UCK2: variants seen among roughly 807,000 people sequenced by gnomAD.
UCK2 encodes uridine-cytidine kinase 2.
A neutral mutation model predicts 30.8 loss-of-function variants in UCK2; 6 were observed. That is an observed-to-expected ratio of 0.19 (90% CI 0.11 to 0.38). The LOEUF is 0.38. UCK2 is among the 10% of genes least tolerant of loss of function. UCK2 has a pLI of 1.00. For missense variants in UCK2, 210 were observed against 339.8 expected (o/e 0.62, Z 3.00); for synonymous variants, 125 against 133.6 (o/e 0.94, Z 0.45).
chr1:165,861,442 A>T (rs1654894669), intron 1 of UCK2, among the ~76,000 whole-genome samples: 1 of 151,482 alleles, frequency 6.6e-6, no homozygotes, highest in Non-Finnish European at 1.5e-5. Flanking sequence ...TCCCGGCTAA[A>T]ACGGTGAAAC....
intron 2 of UCK2, chr1:165,890,806 C>T (rs1395525052): frequency 3.8e-6 from 1 of 262,658 alleles, no homozygotes; most frequent in Non-Finnish European, 7.4e-6. Flanking sequence ...CCTAGATCAG[C>T]ACACTGCTCC....
At chr1:165,905,492 AAGAG>A (rs561123617) in intron 5 of UCK2, among the ~76,000 whole-genome samples, 1 of 151,802 alleles carries the variant, frequency 6.6e-6, no homozygotes, top group Non-Finnish European at 1.5e-5. Context: ...TTAAAAAAAA[AAGAG>A]AGAGTGAGAG....
intron 4 of UCK2, among the ~76,000 whole-genome samples, chr1:165,901,258 C>T (rs1298020463): frequency 6.6e-6 from 1 of 152,194 alleles, no homozygotes; most frequent in East Asian, 1.9e-4. Context: ...ATTACCAGGT[C>T]TCCCATGGAG....
chr1:165,850,927 ATTTTTTTTT>A lies in UCK2; in HGVS notation c.99+23014_99+23022del, dbSNP rs61491030. Among the ~76,000 whole-genome samples, 239 of 109,932 alleles carry A rather than the reference ATTTTTTTTT, an allele frequency of 2.2e-3. 2 individuals carry two copies. Among genetic ancestry groups the A allele is most frequent in the Middle Eastern group, 0.011 (2 of 184 alleles). 72.1% of individuals were successfully genotyped at this position (109,932 alleles called of 152,430 possible). A position where few individuals can be genotyped will look rare whatever the true frequency, so the allele number is the denominator to read the frequency against. ...GTGAGCCACCACGCCTGGCCTTTAA[ATTTTTTTTT>A]TTTTTTTTTTTTTTTTTTAATAGAG... On this transcript the variant is annotated intron_variant, in intron 1 of 6. Transcript: ENST00000367879.
intron 1 of UCK2, among the ~76,000 whole-genome samples, chr1:165,868,992 G>T (rs1346761681): frequency 1.3e-5 from 2 of 152,154 alleles, no homozygotes; most frequent in Non-Finnish European, 2.9e-5. Context: ...CCATTGTAGG[G>T]TATTAATTGG....
rs183749665 is a variant in UCK2, at chr1:165,841,862, T to C, written c.99+13930T>C. ...ACCTCTAGATTCCAGGATCCTGCAG[T>C]GTCAGTTATCCCTCTTGTGTCCCCA... On this transcript the variant is annotated intron_variant, in intron 1 of 6. Transcript: ENST00000367879. 1.0e-3 allele frequency among the ~76,000 whole-genome samples: 158 copies of C among 152,320 alleles called. 4 individuals carry two copies. The highest frequency in any genetic ancestry group is 9.0e-3 in the Admixed American group (138 of 15,300).
At chr1:165,856,353 A>C (rs1299793620) in intron 1 of UCK2, among the ~76,000 whole-genome samples, 1 of 151,982 alleles carries the variant, frequency 6.6e-6, no homozygotes, top group Non-Finnish European at 1.5e-5. Context: ...TTTATTCAGC[A>C]AACATTACGT....
At chr1:165,891,143 T>C in intron 2 of UCK2, 83 bp from the exon 3 acceptor site, 1 of 1,239,244 alleles carries the variant, frequency 8.1e-7, no homozygotes, top group Non-Finnish European at 1.2e-6. Flanking sequence ...CCCATATACA[T>C]GTTTATGAGG....
At chr1:165,869,766 C>T (rs1316361358) in intron 1 of UCK2, among the ~76,000 whole-genome samples, 2 of 146,604 alleles carry the variant, frequency 1.4e-5, no homozygotes, top group African/African-American at 5.0e-5. Flanking sequence ...AAGCGATCCT[C>T]TGCTTCAGCC....
intron 1 of UCK2, among the ~76,000 whole-genome samples, chr1:165,832,366 CT>C: frequency 6.6e-6 from 1 of 152,122 alleles, no homozygotes; most frequent in Non-Finnish European, 1.5e-5. Context: ...TGTTTAAGTG[CT>C]TGGGATTGAG....
chr1:165,890,578 T>C (rs1438341158), intron 2 of UCK2, among the ~76,000 whole-genome samples: 1 of 152,168 alleles, frequency 6.6e-6, no homozygotes, highest in African/African-American at 2.4e-5. Context: ...AAATACTGAT[T>C]GAATCTGTAT....
intron 1 of UCK2, among the ~76,000 whole-genome samples, chr1:165,874,717 T>C (rs1007908188): frequency 3.9e-5 from 6 of 152,184 alleles, no homozygotes; most frequent in African/African-American, 1.4e-4. Flanking sequence ...AACGTAAGAA[T>C]TCCTTTTCTT....
intron 1 of UCK2, among the ~76,000 whole-genome samples, chr1:165,888,210 A>T (rs902367062): frequency 6.6e-6 from 1 of 152,212 alleles, no homozygotes; most frequent in African/African-American, 2.4e-5. Flanking sequence ...TTGATGAAAT[A>T]AATTCAATAG....
At chr1:165,907,091 G>T (rs115293728) in intron 6 of UCK2, among the ~76,000 whole-genome samples, 1 of 152,128 alleles carries the variant, frequency 6.6e-6, no homozygotes, top group African/African-American at 2.4e-5. Flanking sequence ...CAGTCTGAAG[G>T]AATTATCCCA....
intron 1 of UCK2, among the ~76,000 whole-genome samples, chr1:165,848,547 G>A (rs542611576): frequency 2.0e-5 from 3 of 151,504 alleles, no homozygotes; most frequent in Non-Finnish European, 4.4e-5. Context: ...CAGGAGAATC[G>A]CTTGAACCCA....
chr1:165,904,696 T>C (rs1647593270), intron 5 of UCK2, among the ~76,000 whole-genome samples: 1 of 152,190 alleles, frequency 6.6e-6, no homozygotes, highest in Admixed American at 6.5e-5. Flanking sequence ...AAATGTCTGC[T>C]CAGTTCAAGT....
At chr1:165,834,896 G>A (rs75538656) in intron 1 of UCK2, among the ~76,000 whole-genome samples, 2,758 of 152,196 alleles carry the variant, frequency 0.018, 80 homozygotes, top group African/African-American at 0.061. Context: ...TAAGAATTTT[G>A]CCTGGTACGT....
intron 2 of UCK2, 29 bp downstream of exon 2, chr1:165,890,392 TCTGTATTG>T (rs753780993): frequency 6.2e-7 from 1 of 1,602,880 alleles, no homozygotes; most frequent in African/African-American, 1.3e-5. Flanking sequence ...GGGGTATGTA[TCTGTATTG>T]GTGTGTTGGG....
rs1477730677 is a variant in UCK2 at position 165,907,867 on chromosome 1, G to GAGGGGTC, written c.*48_*54dup. ...CAGCCCCTATCTCCAAGAGACAGAG[G>GAGGGGTC]AGGGGTCAGGAGGCACTGCTCATCT... is the stretch of plus-strand genomic sequence containing the variant. On this transcript the variant is annotated 3_prime_UTR_variant, in exon 7 of 7. Transcript: ENST00000367879. The GAGGGGTC allele has an allele frequency of 6.2e-7, 1 of 1,605,438 alleles. No individual in the cohort carries two copies.
Sources: allele counts gnomAD v4.1 joint callset (sites outside exome capture counted in the v4.1 genomes callset), GRCh38; gene constraint gnomAD v4.1.1; transcripts MANE v1.5; gene names NCBI Gene and HGNC (gene_info 2026-07-23, HGNC 2026-07-21).